Variants in DMXL1 observed in about 807,000 individuals in gnomAD.
DMXL1 encodes the protein Dmx like 1, also known as dmX-like protein 1.
A neutral mutation model predicts 319.2 loss-of-function variants in DMXL1; 99 were observed. The observed-to-expected ratio is 0.31, with a 90% CI of 0.26 to 0.37. The LOEUF is 0.37. DMXL1 is among the 10% of genes least tolerant of loss of function. DMXL1 has a pLI of 1.00. For synonymous variants in DMXL1, 1,385 were observed against 1,235.2 expected (o/e 1.12, Z -2.54); for missense variants, 3,745 against 3,595.6 (o/e 1.04, Z -1.06).
Position 119,240,414 on chromosome 5 carries a change from TCCAGAAAC to T in DMXL1, c.8652-4_8655del. On this transcript the variant is annotated splice_acceptor_variant and splice_polypyrimidine_tract_variant and coding_sequence_variant and intron_variant, in exon 42 of 44. Coordinates refer to ENST00000539542, the MANE Select transcript of DMXL1 (RefSeq NM_001290321.3). LOFTEE classifies it high-confidence loss of function. Reference sequence around the variant, plus strand: ...CTCAGAAGTAATCTTTTTTTTTTTTTCCAGAAACGTATGTTTGTGGGATACTCTTGTAG... The same window carrying T: ...CTCAGAAGTAATCTTTTTTTTTTTTTGTATGTTTGTGGGATACTCTTGTAG... The T allele has an allele frequency of 1.3e-6, 2 of 1,589,728 alleles. No individual in the cohort carries two copies. The highest frequency in any genetic ancestry group is 1.8e-5 in the Admixed American group (1 of 56,422).
chr5:119,232,731 T>TC (rs772780141), intron 38 of DMXL1, among the ~76,000 whole-genome samples: 7 of 151,898 alleles, frequency 4.6e-5, no homozygotes, highest in Admixed American at 6.6e-5. Context: ...TCCCAGCCTC[T>TC]TAGAGGCTGA....
At position 119,178,212 on chromosome 5, in the gene DMXL1, G is replaced by T; in HGVS notation, c.7103G>T (p.Ser2368Ile). 1.2e-6 allele frequency: 2 copies of T among 1,613,746 alleles called. No individual in the cohort carries two copies. The highest frequency in any genetic ancestry group is 8.5e-7 in the Non-Finnish European group (1 of 1,179,712). Residue 2368 changes from serine (S) to isoleucine (I), a missense_variant, in exon 28 of 44, where the codon AGC becomes ATC. By Grantham distance (142) the Ser-to-Ile change is moderately radical. This residue lies in a region of DMXL1 where 1,382 missense variants were observed against 1,269.5 expected (regional missense o/e 1.09). Transcript: ENST00000539542. Reference sequence around the variant, plus strand: ...TTTGGTGGAGGTGCACATGTTCCTAGCAAAGAACAGACACATTCAAAAACT... The same window carrying T: ...TTTGGTGGAGGTGCACATGTTCCTATCAAAGAACAGACACATTCAAAAACT... The part of the protein sequence containing the change: ...AVFGGGAHVP[S>I]KEQTHSKTLP...
At chr5:119,134,227 C>A in intron 12 of DMXL1, 41 bp from the exon 13 acceptor site, 2 of 1,604,948 alleles carry the variant, frequency 1.2e-6, no homozygotes, top group Non-Finnish European at 1.7e-6. Context: ...CTGACATTAT[C>A]ATCAAAGGGT....
Position 119,167,589 on chromosome 5 carries a change from A to G in DMXL1, c.5137-14A>G, listed in dbSNP as rs974217680. On this transcript the variant is annotated splice_polypyrimidine_tract_variant and intron_variant, in intron 22 of 43. Transcript: ENST00000539542. ...CTGCTCCTGCTTATTTAAAAACAAT[A>G]TTTTTTTTTAAAGGTATGTCTTGAG... The G allele has an allele frequency of 5.2e-6, 8 of 1,530,096 alleles. No homozygotes were observed. The highest frequency in any genetic ancestry group is 1.4e-5 in the African/African-American group (1 of 71,656). The allele number at this position is 1,530,096 out of a possible 1,614,324, so 94.8% of individuals were successfully genotyped here. A position where few individuals can be genotyped will look rare whatever the true frequency, so the allele number is the denominator to read the frequency against.
In DMXL1 at chr5:119,184,325, A is replaced by G. The variant is rs1232517654; in HGVS notation, c.7136-5383A>G. Among the ~76,000 whole-genome samples the G allele has an allele frequency of 3.3e-5, 5 of 152,190 alleles. No homozygotes were observed. The East Asian group carries it at 7.7e-4, about 24-fold the overall frequency. On this transcript the variant is annotated intron_variant, in intron 28 of 43. Transcript: ENST00000539542. ...GTGATCTTCCCACCTCAGCCTCCCA[A>G]ATTGCTGGGATTACAGGTGTGAGCC...
intron 1 of DMXL1, among the ~76,000 whole-genome samples, chr5:119,092,410 A>G (rs1017836878): frequency 6.6e-6 from 1 of 151,946 alleles, no homozygotes; most frequent in African/African-American, 2.4e-5. Flanking sequence ...GCAATGTTGT[A>G]TGAATCTGTT....
intron 9 of DMXL1, among the ~76,000 whole-genome samples, chr5:119,124,656 C>G (rs560849155): frequency 2.0e-5 from 3 of 148,390 alleles, no homozygotes; most frequent in African/African-American, 5.0e-5. Flanking sequence ...ACCTCTGCCT[C>G]TCGGGTTCAA....
chr5:119,245,353 T>A (rs1011472873), intron 43 of DMXL1, among the ~76,000 whole-genome samples: 3 of 152,152 alleles, frequency 2.0e-5, no homozygotes, highest in Non-Finnish European at 4.4e-5. Flanking sequence ...ATCAGATGGG[T>A]TTTTTAAAAC....
chr5:119,226,230 A>G (rs1400101328), intron 38 of DMXL1, among the ~76,000 whole-genome samples: 1 of 152,194 alleles, frequency 6.6e-6, no homozygotes. Flanking sequence ...AAGACACCTG[A>G]AAAATTAAAA....
chr5:119,090,016 TTTTTTTTTTTTTTTTTTTTTTG>T (rs1754375091), intron 1 of DMXL1, among the ~76,000 whole-genome samples: 1 of 79,466 alleles, frequency 1.3e-5, no homozygotes, highest in Admixed American at 1.3e-4. Flanking sequence ...TTTTTTTTTT[TTTTTTTTTTTTTTTTTTTTTTG>T]AGAAGGACTT....
chr5:119,180,296 T>A (rs1776559322), intron 28 of DMXL1, among the ~76,000 whole-genome samples: 1 of 152,186 alleles, frequency 6.6e-6, no homozygotes, highest in African/African-American at 2.4e-5. Flanking sequence ...TAATTTGTAA[T>A]CTTCCCTGCC....
chr5:119,089,580 T>C (rs1382041023), intron 1 of DMXL1, among the ~76,000 whole-genome samples: 2 of 150,838 alleles, frequency 1.3e-5, no homozygotes, highest in African/African-American at 4.9e-5. Flanking sequence ...AGTGCTGGGA[T>C]TACAAGCATC....
chr5:119,188,695 AT>A (rs1347237068), intron 28 of DMXL1, among the ~76,000 whole-genome samples: 3 of 152,246 alleles, frequency 2.0e-5, no homozygotes, highest in Admixed American at 6.5e-5. Flanking sequence ...AGTAATAATC[AT>A]GCCACTTTTT....
intron 6 of DMXL1, among the ~76,000 whole-genome samples, chr5:119,115,358 T>C (rs1448478823): frequency 2.6e-5 from 4 of 152,220 alleles, no homozygotes; most frequent in Non-Finnish European, 5.9e-5. Flanking sequence ...ACCATTTCTT[T>C]AGTGTGTATA....
At chr5:119,093,907 T>C (rs1379880613) in intron 1 of DMXL1, among the ~76,000 whole-genome samples, 1 of 152,198 alleles carries the variant, frequency 6.6e-6, no homozygotes, top group Non-Finnish European at 1.5e-5. Context: ...ACCCTAACTC[T>C]TCTCAATTCC....
chr5:119,171,321 A>C, intron 24 of DMXL1, 41 bp downstream of exon 24: 1 of 1,528,190 alleles, frequency 6.5e-7, no homozygotes, highest in South Asian at 1.3e-5. Flanking sequence ...TACATGTCTA[A>C]AACTGTTTTT....
chr5:119,143,952 G>T, intron 14 of DMXL1, 22 bp downstream of exon 14: 2 of 1,445,280 alleles, frequency 1.4e-6, no homozygotes, highest in Non-Finnish European at 1.9e-6. Flanking sequence ...TTTTGGGGGG[G>T]AGGTATATTA....
chr5:119,212,446 A>T (rs1184148239), intron 34 of DMXL1, among the ~76,000 whole-genome samples: 1 of 152,148 alleles, frequency 6.6e-6, no homozygotes, highest in Non-Finnish European at 1.5e-5. Context: ...TTGTTTATCC[A>T]TTCGTCAGTT....
At chr5:119,128,023 A>G (rs1580879375) in intron 9 of DMXL1, 4 of 415,902 alleles carry the variant, frequency 9.6e-6, no homozygotes, top group South Asian at 4.1e-5. Context: ...CTGTTTTATC[A>G]TGATTCTCCA....
Sources: gnomAD v4.1 joint callset for allele counts (sites outside exome capture counted in the v4.1 genomes callset) on GRCh38, gnomAD v4.1.1 for gene constraint, gnomAD v4.1.1 regional missense constraint, MANE v1.5 for transcripts, NCBI Gene and HGNC (gene_info 2026-07-23, HGNC 2026-07-21) for gene names.